COL23A1: variants seen among roughly 807,000 people sequenced by gnomAD.
COL23A1 encodes collagen type XXIII alpha 1 chain.
A neutral mutation model predicts 99.3 loss-of-function variants in COL23A1; 97 were observed. The ratio of observed to expected loss-of-function variants is 0.98; its 90% CI spans 0.83 to 1.16. The LOEUF is 1.16. Among genes scored for constraint, COL23A1 ranks in the 50% most tolerant of loss-of-function variants. COL23A1 has a pLI of 0.00. For missense variants in COL23A1, 762 were observed against 757.4 expected, an observed-to-expected ratio of 1.01 and a Z score of -0.07; for synonymous variants, 320 against 308.2, an observed-to-expected ratio of 1.04 and a Z score of -0.40.
chr5:178,271,689 G>A (rs1756295208), intron 5 of COL23A1, among the ~76,000 whole-genome samples: 1 of 152,228 alleles, frequency 6.6e-6, no homozygotes, highest in Non-Finnish European at 1.5e-5. Flanking sequence ...GCAAATGCAC[G>A]CACTGCACAG....
chr5:178,437,920 T>C (rs757464280), intron 2 of COL23A1, among the ~76,000 whole-genome samples: 8 of 152,092 alleles, frequency 5.3e-5, no homozygotes, highest in Non-Finnish European at 1.0e-4. Flanking sequence ...GAGCTGCTCA[T>C]GCCTGGTCTG....
intron 1 of COL23A1, among the ~76,000 whole-genome samples, chr5:178,581,589 C>T (rs72810636): frequency 0.23 from 34,616 of 149,640 alleles, 4,339 homozygotes; most frequent in East Asian, 0.31. Context: ...AAAATTAAAA[C>T]GAAAAACAAA....
intron 2 of COL23A1, among the ~76,000 whole-genome samples, chr5:178,353,548 G>GT (rs1183982628): frequency 1.3e-5 from 2 of 152,210 alleles, no homozygotes; most frequent in Non-Finnish European, 2.9e-5. Context: ...AAAAGGAAAC[G>GT]TAAGTTTCTC....
chr5:178,440,670 C>T (rs1459546974), intron 2 of COL23A1, among the ~76,000 whole-genome samples: 2 of 148,388 alleles, frequency 1.3e-5, no homozygotes, highest in Non-Finnish European at 3.0e-5. Context: ...GACTGGAGTG[C>T]AGTGGTGAGA....
intron 17 of COL23A1, among the ~76,000 whole-genome samples, chr5:178,251,792 A>C (rs1765042205): frequency 6.6e-6 from 1 of 151,448 alleles, no homozygotes; most frequent in Admixed American, 6.6e-5. Context: ...TCCAGTATTT[A>C]TTATTCCCAT....
intron 2 of COL23A1, among the ~76,000 whole-genome samples, chr5:178,432,048 C>G (rs775574730): frequency 9.9e-5 from 15 of 152,196 alleles, no homozygotes; most frequent in Non-Finnish European, 2.2e-4. Context: ...AAAAGTCCTG[C>G]TGAAATAGAA....
intron 2 of COL23A1, among the ~76,000 whole-genome samples, chr5:178,407,102 C>G (rs975946372): frequency 1.3e-5 from 2 of 152,192 alleles, no homozygotes; most frequent in African/African-American, 2.4e-5. Context: ...GTTGGTAACT[C>G]AGAAACACCC....
chr5:178,545,802 A>G (rs1445417694), intron 2 of COL23A1, among the ~76,000 whole-genome samples: 6 of 152,168 alleles, frequency 3.9e-5, no homozygotes, highest in Non-Finnish European at 7.3e-5. Context: ...CCTGAGGTCC[A>G]CAGGTCGATT....
intron 27 of COL23A1, among the ~76,000 whole-genome samples, chr5:178,240,011 A>C (rs953480365): frequency 2.0e-5 from 3 of 152,120 alleles, no homozygotes; most frequent in Non-Finnish European, 4.4e-5. Flanking sequence ...AGGATGGCCC[A>C]GGAATTGGCA....
Position 178,255,197 on chromosome 5 carries a change from T to C in COL23A1, c.883-171A>G, listed in dbSNP as rs1002941859. On this transcript the variant is annotated intron_variant, in intron 15 of 28. Transcript: ENST00000390654. This position sits in a 1 kb window ranked among gnomAD's most constrained non-coding sequence, Gnocchi z 4.2. ...GATGGAGGGAACGGGAGGCAGGCCC[T>C]GTGGCCAGCTGAGAGACCTGTTTCC... Among the ~76,000 whole-genome samples, 10 of 151,886 alleles carry C rather than the reference T, an allele frequency of 6.6e-5. No homozygotes were observed. Among genetic ancestry groups the C allele is most frequent in the African/African-American group, 2.2e-4 (9 of 41,336 alleles).
chr5:178,257,816 G>A (rs535033619), intron 12 of COL23A1, among the ~76,000 whole-genome samples: 1 of 152,378 alleles, frequency 6.6e-6, no homozygotes, highest in South Asian at 2.1e-4. Flanking sequence ...AGGTGAATGA[G>A]GGTACATTCA....
At chr5:178,319,550 G>A (rs891263400) in intron 2 of COL23A1, among the ~76,000 whole-genome samples, 2 of 152,148 alleles carry the variant, frequency 1.3e-5, no homozygotes, top group Non-Finnish European at 2.9e-5. Flanking sequence ...GCGTGGGCAA[G>A]GCCTTTGGCA....
At chr5:178,463,995 C>G (rs1450614508) in intron 2 of COL23A1, among the ~76,000 whole-genome samples, 1 of 152,234 alleles carries the variant, frequency 6.6e-6, no homozygotes, top group Non-Finnish European at 1.5e-5. Flanking sequence ...GGGGAGAAAT[C>G]TGCCGCCTCC....
intron 2 of COL23A1, among the ~76,000 whole-genome samples, chr5:178,330,900 C>G (rs572688720): frequency 3.3e-5 from 5 of 152,324 alleles, no homozygotes; most frequent in African/African-American, 9.6e-5. Flanking sequence ...CTCAGTGTCA[C>G]TTCATCAAAG....
intron 2 of COL23A1, among the ~76,000 whole-genome samples, chr5:178,477,544 G>A (rs188065966): frequency 9.8e-5 from 15 of 152,304 alleles, no homozygotes; most frequent in Non-Finnish European, 7.4e-5. Flanking sequence ...CTTATTAGGC[G>A]CCAGTGGGTC....
At position 178,424,354 on chromosome 5, in the gene COL23A1, G is replaced by A. The variant is rs145645671; in HGVS notation, c.362-117435C>T. 3.4e-3 allele frequency among the ~76,000 whole-genome samples: 521 copies of A among 152,344 alleles called. 3 individuals are homozygous for A. Among genetic ancestry groups the A allele is most frequent in the African/African-American group, 0.012 (493 of 41,586 alleles). ...TGTGAATGTGAAATTGGGCCTGCCC[G>A]CCCAGCATTCTAGGGCAAGCACTGT... On this transcript the variant is annotated intron_variant, in intron 2 of 28. Transcript: ENST00000390654.
intron 4 of COL23A1, 23 bp from the exon 5 acceptor site, chr5:178,288,373 A>G: frequency 6.2e-7 from 1 of 1,607,262 alleles, no homozygotes; most frequent in Non-Finnish European, 8.5e-7. Flanking sequence ...ATATGTCATT[A>G]ATAATCAGAG....
chr5:178,284,500 T>C (rs1757055735), intron 5 of COL23A1, among the ~76,000 whole-genome samples: 1 of 152,210 alleles, frequency 6.6e-6, no homozygotes, highest in Non-Finnish European at 1.5e-5. Flanking sequence ...GGAGGGCAAT[T>C]TGGCAATACA....
At chr5:178,345,987 G>A (rs1311713399) in intron 2 of COL23A1, among the ~76,000 whole-genome samples, 1 of 151,948 alleles carries the variant, frequency 6.6e-6, no homozygotes, top group Non-Finnish European at 1.5e-5. Flanking sequence ...ATCCTGTTAG[G>A]ACTCATATCT....
Sources: allele counts gnomAD v4.1 joint callset (sites outside exome capture counted in the v4.1 genomes callset), GRCh38; gene constraint gnomAD v4.1.1; non-coding constraint Gnocchi (gnomAD v3.1); transcripts MANE v1.5; gene names NCBI Gene and HGNC (gene_info 2026-07-23, HGNC 2026-07-21).